KIF13B: variants seen among roughly 807,000 people sequenced by gnomAD.
KIF13B encodes kinesin family member 13B.
Under a neutral mutation model 222.0 loss-of-function variants are expected in KIF13B, and 127 were observed. That is an observed-to-expected ratio of 0.57 (90% CI 0.50 to 0.66). The LOEUF (loss-of-function observed/expected upper bound fraction) is 0.66, where lower values mean the gene tolerates loss of function less well. Among genes scored for constraint, KIF13B ranks in the 30% least tolerant of loss-of-function variants. The pLI, the probability that KIF13B is intolerant of heterozygous loss-of-function variation, is 0.00. For missense variants in KIF13B, 2,173 were observed against 2,379.0 expected, an observed-to-expected ratio of 0.91 and a Z score of 1.80; for synonymous variants, 976 against 919.0, an observed-to-expected ratio of 1.06 and a Z score of -1.12.
At chr8:29,196,066 C>A in intron 3 of KIF13B, 121 bp downstream of exon 3, 1 of 862,490 alleles carries the variant, frequency 1.2e-6, no homozygotes, top group South Asian at 1.7e-5. Flanking sequence ...AGGCTGACAG[C>A]TTGCATTACT....
At chr8:29,230,539 C>T (rs76315288) in intron 2 of KIF13B, among the ~76,000 whole-genome samples, 2,310 of 152,208 alleles carry the variant, frequency 0.015, 16 homozygotes, top group Non-Finnish European at 0.023. Context: ...CAAGGGCATG[C>T]GAGAGGACGT....
In KIF13B at chr8:29,099,088, T is replaced by C. The variant is rs370813138; in HGVS notation, c.4324+45A>G. The C allele has an allele frequency of 5.5e-5, 77 of 1,397,798 alleles. No homozygotes were observed. In the East Asian group the frequency reaches 1.8e-3, roughly 32 times the overall value. The allele number at this position is 1,397,798 out of a possible 1,614,324, so 86.6% of individuals were successfully genotyped here. On this transcript the variant is annotated intron_variant, in intron 36 of 39. Transcript: ENST00000524189. ...ATTCTAATTTAAACTTTCTGAAAGATGCTCAGATTTCTGACAGTAATTGAC... is the reference window on the plus strand; with the variant it reads ...ATTCTAATTTAAACTTTCTGAAAGACGCTCAGATTTCTGACAGTAATTGAC...
At chr8:29,172,627 G>A (rs1030541784) in intron 10 of KIF13B, among the ~76,000 whole-genome samples, 2 of 152,186 alleles carry the variant, frequency 1.3e-5, no homozygotes, top group Admixed American at 6.5e-5. Context: ...CCTTTGATAA[G>A]AAGAGCACAG....
At chr8:29,103,012 G>C (rs1474278696) in intron 35 of KIF13B, among the ~76,000 whole-genome samples, 2 of 152,158 alleles carry the variant, frequency 1.3e-5, no homozygotes, top group Non-Finnish European at 2.9e-5. Context: ...GGAAGCCAAG[G>C]CAGGCAGATC....
upstream of KIF13B, chr8:29,263,123 G>A (rs1047434611): frequency 6.0e-6 from 8 of 1,324,832 alleles, no homozygotes; most frequent in South Asian, 5.2e-5. Flanking sequence ...GGGGCCGGGG[G>A]CGGAGCCGGG....
chr8:29,254,643 G>A (rs1306290277), intron 1 of KIF13B, among the ~76,000 whole-genome samples: 2 of 152,212 alleles, frequency 1.3e-5, no homozygotes, highest in African/African-American at 2.4e-5. Flanking sequence ...CTCATGGAGA[G>A]AGACAAGAAC....
At chr8:29,157,564 G>A (rs1172350697) in intron 13 of KIF13B, among the ~76,000 whole-genome samples, 1 of 151,944 alleles carries the variant, frequency 6.6e-6, no homozygotes, top group Non-Finnish European at 1.5e-5. Flanking sequence ...AATTAGCCAG[G>A]TGTGGTGGCA....
Position 29,071,517 on chromosome 8 carries a change from CCCT to C in KIF13B, c.5218+100_5218+102del. On this transcript the variant is annotated intron_variant, in intron 39 of 39. Coordinates refer to ENST00000524189, the MANE Select transcript of KIF13B (RefSeq NM_015254.4). This position sits in a 1 kb window ranked among gnomAD's most constrained non-coding sequence, Gnocchi z 4.9. ...TTCAGCCAAGCCGCTGCCTCCCGGC[CCCT>C]CCCTCTCCTGCCCGGACCCTGTCCC... 1 of 1,077,942 alleles carries C rather than the reference CCCT, an allele frequency of 9.3e-7. No homozygotes were observed. Among genetic ancestry groups the C allele is most frequent in the East Asian group, 2.6e-5 (1 of 38,480 alleles). The allele number at this position is 1,077,942 out of a possible 1,614,324, so 66.8% of individuals were successfully genotyped here.
rs540820045 is a variant in KIF13B, at chr8:29,101,993, T to TC, written c.4216-2753dup. Among the ~76,000 whole-genome samples the TC allele has an allele frequency of 3.2e-3, 494 of 152,014 alleles. 3 individuals carry two copies. The highest frequency in any genetic ancestry group is 0.012 in the African/African-American group (480 of 41,428). Reference sequence around the variant, plus strand: ...TTCAGGGTCCGGCTACACACACTGTTCCCCAGGGACAACGCAATGACTATC... The same window carrying TC: ...TTCAGGGTCCGGCTACACACACTGTTCCCCCAGGGACAACGCAATGACTATC... On this transcript the variant is annotated intron_variant, in intron 35 of 39. Coordinates refer to ENST00000524189, the MANE Select transcript of KIF13B (RefSeq NM_015254.4).
intron 2 of KIF13B, among the ~76,000 whole-genome samples, chr8:29,244,305 G>A (rs1436439202): frequency 1.3e-5 from 2 of 151,980 alleles, no homozygotes; most frequent in African/African-American, 4.8e-5. Context: ...CAGCCACTGC[G>A]CCCAGCCCAG....
At chr8:29,152,429 A>G (rs1255667444) in intron 14 of KIF13B, among the ~76,000 whole-genome samples, 1 of 152,166 alleles carries the variant, frequency 6.6e-6, no homozygotes, top group Non-Finnish European at 1.5e-5. Context: ...GAAAAAGTCA[A>G]TCAATGTGGC....
In KIF13B at chr8:29,099,215, T is replaced by C. The variant is rs1394145804; in HGVS notation, c.4242A>G (p.Val1414=). Residue 1414 remains valine, a synonymous_variant, in exon 36 of 40, where the codon GTA becomes GTG. Transcript: ENST00000524189. ...TTCCTCTGGAAACTGTGGTTTGGGATACATCCTGCTGACTTTCCCACCGGC... is the reference window on the plus strand; with the variant it reads ...TTCCTCTGGAAACTGTGGTTTGGGACACATCCTGCTGACTTTCCCACCGGC... ...NKGRWESQQD[V]SQTTVSRGIA... 6.2e-7 allele frequency: 1 copy of C among 1,613,498 alleles called. No homozygotes were observed. The highest frequency in any genetic ancestry group is 1.7e-5 in the Admixed American group (1 of 59,962).
chr8:29,221,185 C>T (rs7822945), intron 2 of KIF13B, among the ~76,000 whole-genome samples: 19,513 of 148,626 alleles, frequency 0.13, 1,421 homozygotes, highest in South Asian at 0.14. Context: ...TCACTGCAAC[C>T]TCCACCCCCC....
In KIF13B at chr8:29,130,730, C is replaced by T. The variant is rs920220824; in HGVS notation, c.2943-65G>A. 8 of 1,437,944 alleles carry T rather than the reference C, an allele frequency of 5.6e-6. 2 individuals are homozygous for T. Among genetic ancestry groups the T allele is most frequent in the Middle Eastern group, 3.5e-4 (2 of 5,702 alleles). The allele number at this position is 1,437,944 out of a possible 1,614,324, so 89.1% of individuals were successfully genotyped here. A position where few individuals can be genotyped will look rare whatever the true frequency, so the allele number is the denominator to read the frequency against. ...TATTTCATTACAGGCAGCTTAGGGT[C>T]CTACACACATAAGAATTAACAATGA... On this transcript the variant is annotated intron_variant, in intron 23 of 39. Coordinates refer to ENST00000524189, the MANE Select transcript of KIF13B (RefSeq NM_015254.4).
chr8:29,259,872 G>A (rs1003890808), intron 1 of KIF13B, among the ~76,000 whole-genome samples: 1 of 152,162 alleles, frequency 6.6e-6, no homozygotes, highest in Non-Finnish European at 1.5e-5. Context: ...TTCTCTAGTT[G>A]TTTAGCTTTG....
At chr8:29,202,763 A>C (rs1479027388) in intron 2 of KIF13B, among the ~76,000 whole-genome samples, 1 of 152,152 alleles carries the variant, frequency 6.6e-6, no homozygotes, top group Non-Finnish European at 1.5e-5. Context: ...CACTGACAAT[A>C]AGAAAAGGAG....
At chr8:29,227,315 GT>G (rs1463285241) in intron 2 of KIF13B, among the ~76,000 whole-genome samples, 1 of 152,048 alleles carries the variant, frequency 6.6e-6, no homozygotes, top group Admixed American at 6.5e-5. Flanking sequence ...TTGAGATGGA[GT>G]TTTGCACTTG....
Position 29,132,268 on chromosome 8 carries a change from C to T in KIF13B, c.2942+40G>A, listed in dbSNP as rs772825596. The T allele has an allele frequency of 5.2e-6, 7 of 1,355,572 alleles. No homozygotes were observed. The African/African-American group carries it at 7.5e-5, about 15-fold the overall frequency. 84.0% of individuals were successfully genotyped at this position (1,355,572 alleles called of 1,614,324 possible). A position where few individuals can be genotyped will look rare whatever the true frequency, so the allele number is the denominator to read the frequency against. ...GTCTCAAAAAACAAAAAAAAAATTA[C>T]ATATATATAAATGGAATCAGATGAA... On this transcript the variant is annotated intron_variant, in intron 23 of 39. Coordinates refer to ENST00000524189, the MANE Select transcript of KIF13B (RefSeq NM_015254.4).
Position 29,144,755 on chromosome 8 carries a change from A to T in KIF13B, c.2187+1623T>A, listed in dbSNP as rs1810978969. Among the ~76,000 whole-genome samples the T allele has an allele frequency of 2.6e-5, 4 of 152,226 alleles. No homozygotes were observed. In the South Asian group the frequency reaches 8.3e-4, roughly 32 times the overall value. ...TTGCAAAACTGGAAATAAGAAAAAA[A>T]TTCACCAGAGAAGAGTTCACAGAAT... On this transcript the variant is annotated intron_variant, in intron 18 of 39. Coordinates refer to ENST00000524189, the MANE Select transcript of KIF13B (RefSeq NM_015254.4).
Sources: allele counts gnomAD v4.1 joint callset (sites outside exome capture counted in the v4.1 genomes callset), GRCh38; gene constraint gnomAD v4.1.1; non-coding constraint Gnocchi (gnomAD v3.1); transcripts MANE v1.5; gene names NCBI Gene and HGNC (gene_info 2026-07-23, HGNC 2026-07-21).